TRPS1: variants seen among roughly 807,000 people sequenced by gnomAD.
TRPS1 encodes zinc finger transcription factor Trps1.
A neutral mutation model predicts 101.2 loss-of-function variants in TRPS1; 6 were observed. The ratio of observed to expected loss-of-function variants is 0.06; its 90% confidence interval spans 0.03 to 0.12. TRPS1 has a LOEUF of 0.12. Among genes scored for constraint, TRPS1 ranks in the 10% least tolerant of loss-of-function variants. TRPS1 has a pLI of 1.00. For missense variants in TRPS1, 1,363 were observed against 1,567.0 expected (o/e 0.87, Z 2.20); for synonymous variants, 578 against 589.8 (o/e 0.98, Z 0.29).
intron 5 of TRPS1, among the ~76,000 whole-genome samples, chr8:115,572,540 A>G (rs1817229469): frequency 6.6e-6 from 1 of 151,766 alleles, no homozygotes; most frequent in South Asian, 2.1e-4. Context: ...ATTGAACATT[A>G]TTTTTGCTAC....
chr8:115,597,540 ATTGT>A (rs1297452127), intron 4 of TRPS1, among the ~76,000 whole-genome samples: 5 of 152,148 alleles, frequency 3.3e-5, no homozygotes, highest in African/African-American at 7.2e-5. Context: ...ACATTCTCTA[ATTGT>A]TTGGTACAGA....
chr8:115,587,577 A>G lies in TRPS1; in HGVS notation c.2124T>C (p.Arg708=), dbSNP rs749178802. ...TATCGGCAGCTGTAAAACTGCACTGACGGCATTTGTAGCAGCTGTGTGCTC... is the reference window on the plus strand; with the variant it reads ...TATCGGCAGCTGTAAAACTGCACTGGCGGCATTTGTAGCAGCTGTGTGCTC... ...YRRAHSCYKC[R]QCSFTAADTQ... Residue 708 remains arginine, a synonymous_variant, in exon 5 of 7, where the codon CGT becomes CGC. Coordinates refer to ENST00000395715, the MANE Select transcript of TRPS1 (RefSeq NM_014112.5). 2 of 1,614,156 alleles carry G rather than the reference A, an allele frequency of 1.2e-6. No homozygotes were observed. The highest frequency in any genetic ancestry group is 2.2e-5 in the South Asian group (2 of 91,080).
intron 5 of TRPS1, among the ~76,000 whole-genome samples, chr8:115,436,107 T>C (rs902939402): frequency 2.6e-5 from 4 of 151,732 alleles, no homozygotes; most frequent in East Asian, 1.9e-4. Flanking sequence ...TCATTACTCA[T>C]AACTCTATCT....
At chr8:115,570,601 C>G (rs535797424) in intron 5 of TRPS1, among the ~76,000 whole-genome samples, 1 of 151,830 alleles carries the variant, frequency 6.6e-6, no homozygotes, top group South Asian at 2.1e-4. Flanking sequence ...TTTGCAGTAT[C>G]TCTCATATCT....
intron 5 of TRPS1, among the ~76,000 whole-genome samples, chr8:115,473,147 CAT>C (rs1362192109): frequency 6.6e-6 from 1 of 152,150 alleles, no homozygotes; most frequent in African/African-American, 2.4e-5. Context: ...AGTCCATTCT[CAT>C]ATTGTTATAA....
At chr8:115,524,670 T>G (rs1318363801) in intron 5 of TRPS1, among the ~76,000 whole-genome samples, 1 of 152,178 alleles carries the variant, frequency 6.6e-6, no homozygotes, top group East Asian at 1.9e-4. Flanking sequence ...GCCATTTGTA[T>G]TAATATCAAC....
intron 5 of TRPS1, among the ~76,000 whole-genome samples, chr8:115,499,958 TCTTTC>T (rs956042999): frequency 1.2e-4 from 5 of 40,806 alleles, no homozygotes; most frequent in African/African-American, 3.8e-4. Flanking sequence ...TTTCTTTCTT[TCTTTC>T]TTTTCTTTTC....
At chr8:115,536,915 T>C (rs1816338806) in intron 5 of TRPS1, among the ~76,000 whole-genome samples, 1 of 152,102 alleles carries the variant, frequency 6.6e-6, no homozygotes, top group African/African-American at 2.4e-5. Context: ...TCTTCCTTTA[T>C]ATTCCATTTA....
At chr8:115,417,978 A>G (rs970429590) in intron 6 of TRPS1, among the ~76,000 whole-genome samples, 1 of 152,138 alleles carries the variant, frequency 6.6e-6, no homozygotes, top group African/African-American at 2.4e-5. Flanking sequence ...CATTTTTTAA[A>G]ACGTTTTGCA....
At chr8:115,423,158 C>G (rs570907768) in intron 5 of TRPS1, among the ~76,000 whole-genome samples, 55 of 152,296 alleles carry the variant, frequency 3.6e-4, no homozygotes, top group African/African-American at 1.3e-3. Flanking sequence ...TGAGGCAGCT[C>G]AACTAAAAAT....
intron 5 of TRPS1, 87 bp downstream of exon 5, chr8:115,586,914 C>G (rs1028245028): frequency 6.3e-7 from 1 of 1,599,018 alleles, no homozygotes; most frequent in African/African-American, 1.3e-5. Flanking sequence ...TCACTTCACA[C>G]ACAACACAAT....
intron 4 of TRPS1, 83 bp from the exon 5 acceptor site, chr8:115,587,687 T>C (rs1586431980): frequency 6.2e-7 from 1 of 1,602,616 alleles, no homozygotes; most frequent in East Asian, 2.2e-5. Context: ...CACCTGAATT[T>C]TCTACCTACT....
At chr8:115,605,052 T>A (rs767387156) in intron 3 of TRPS1, 50 bp from the exon 4 acceptor site, 1 of 1,576,096 alleles carries the variant, frequency 6.3e-7, no homozygotes. Flanking sequence ...ATTAATTCAA[T>A]GGGCCCTCTG....
At chr8:115,485,358 C>T (rs930350157) in intron 5 of TRPS1, among the ~76,000 whole-genome samples, 1 of 152,194 alleles carries the variant, frequency 6.6e-6, no homozygotes, top group African/African-American at 2.4e-5. Context: ...ATGAGAACCA[C>T]GGCCCAGCTG....
At position 115,604,514 on chromosome 8, in the gene TRPS1, A is replaced by G. The variant is rs1450041332; in HGVS notation, c.1455T>C (p.Asn485=). 6.2e-7 allele frequency: 1 copy of G among 1,613,932 alleles called. No homozygotes were observed. Among genetic ancestry groups the G allele is most frequent in the Non-Finnish European group, 8.5e-7 (1 of 1,179,990 alleles). Residue 485 remains asparagine, a synonymous_variant, in exon 4 of 7, where the codon AAT becomes AAC. Transcript: ENST00000395715. This position sits in a 1 kb window ranked among gnomAD's most constrained non-coding sequence, Gnocchi z 4.1. ...TGACAGAGCCCCTGGAAAGCTTATC[A>G]TTTAACTCTGGATTAAGGCCGCCTG... ...VQSGGLNPEL[N]DKLSRGSVIN... is the part of the protein sequence containing the mutation.
At chr8:115,458,509 G>T (rs1814085245) in intron 5 of TRPS1, among the ~76,000 whole-genome samples, 1 of 152,150 alleles carries the variant, frequency 6.6e-6, no homozygotes, top group Non-Finnish European at 1.5e-5. Flanking sequence ...AAAAAGACAG[G>T]TTTGGATGCA....
intron 2 of TRPS1, among the ~76,000 whole-genome samples, chr8:115,621,892 G>A (rs1818402536): frequency 2.6e-5 from 4 of 151,500 alleles, no homozygotes; most frequent in Non-Finnish European, 5.9e-5. Flanking sequence ...CTCCAGCCTG[G>A]GCGACAAGAG....
At chr8:115,468,616 TTA>T (rs1191789118) in intron 5 of TRPS1, among the ~76,000 whole-genome samples, 2 of 152,150 alleles carry the variant, frequency 1.3e-5, no homozygotes, top group Admixed American at 1.3e-4. Flanking sequence ...GAAAAAAGTT[TTA>T]TACTCCTCAA....
At chr8:115,622,129 G>A (rs1818409691) in intron 2 of TRPS1, among the ~76,000 whole-genome samples, 1 of 152,068 alleles carries the variant, frequency 6.6e-6, no homozygotes, top group South Asian at 2.1e-4. Flanking sequence ...AGGGGAATAT[G>A]AGCTTCCCAT....
Sources: allele counts gnomAD v4.1 joint callset (sites outside exome capture counted in the v4.1 genomes callset), GRCh38; gene constraint gnomAD v4.1.1; non-coding constraint Gnocchi (gnomAD v3.1); transcripts MANE v1.5; gene names NCBI Gene and HGNC (gene_info 2026-07-23, HGNC 2026-07-21).